The following RNU6-1 variants were observed in gnomAD, a reference collection of about 807,000 sequenced individuals.
RNU6-1 encodes the protein RNA, U6 small nuclear 1, also known as RNA, U6A small nuclear.
At chr15:67,839,950 A>G (rs543732887) in exon 1 of RNU6-1, 23 of 152,326 alleles carry the variant, frequency 1.5e-4, no homozygotes, top group African/African-American at 4.3e-4. Context: ...AAAATATGGA[A>G]CGCTTCACGA....
At chr15:67,840,038 G>A (rs190705622) in exon 1 of RNU6-1, 7 of 152,722 alleles carry the variant, frequency 4.6e-5, no homozygotes, top group South Asian at 4.1e-4. Flanking sequence ...TGCTGCCGAA[G>A]CGAGCACGGT....
chr15:67,839,971 C>T (rs568554044), exon 1 of RNU6-1: 2 of 151,580 alleles, frequency 1.3e-5, no homozygotes, highest in Non-Finnish European at 1.5e-5. Flanking sequence ...ATTTGCGTGT[C>T]ATCCTTGCGC....
exon 1 of RNU6-1, chr15:67,839,975 C>T (rs1264300011): frequency 6.6e-6 from 1 of 152,300 alleles, no homozygotes; most frequent in African/African-American, 2.4e-5. Context: ...GCGTGTCATC[C>T]TTGCGCAGGG....
chr15:67,839,977 T>C (rs1031899262), exon 1 of RNU6-1: 3 of 152,108 alleles, frequency 2.0e-5, no homozygotes, highest in Non-Finnish European at 4.4e-5. Context: ...GTGTCATCCT[T>C]GCGCAGGGGC....
chr15:67,840,015 A>G (rs1183625932), exon 1 of RNU6-1: 9 of 152,492 alleles, frequency 5.9e-5, no homozygotes, highest in Admixed American at 5.2e-4. Flanking sequence ...TATCGTTCCA[A>G]TTTTAGTATA....
At chr15:67,839,963 T>C (rs1373905517) in exon 1 of RNU6-1, 1 of 151,106 alleles carries the variant, frequency 6.6e-6, no homozygotes, top group Admixed American at 6.6e-5. Context: ...CTTCACGAAT[T>C]TGCGTGTCAT....
At chr15:67,839,996 T>TA (rs1328329958) in exon 1 of RNU6-1, 2 of 152,418 alleles carry the variant, frequency 1.3e-5, no homozygotes, top group Non-Finnish European at 2.9e-5. Flanking sequence ...GCCATGCTAA[T>TA]CTTCTCTGTA....
At chr15:67,840,032 G>A (rs934347145) in exon 1 of RNU6-1, 3 of 152,562 alleles carry the variant, frequency 2.0e-5, no homozygotes, top group African/African-American at 4.8e-5. Context: ...TATATGTGCT[G>A]CCGAAGCGAG....
At chr15:67,840,043 C>G (rs1043065422) in exon 1 of RNU6-1, 2 of 152,594 alleles carry the variant, frequency 1.3e-5, no homozygotes, top group Admixed American at 6.5e-5. Context: ...CCGAAGCGAG[C>G]ACGGTGTTTC....
chr15:67,840,008 C>T (rs371239605), exon 1 of RNU6-1: 4 of 152,588 alleles, frequency 2.6e-5, no homozygotes, highest in South Asian at 4.1e-4. Flanking sequence ...TTCTCTGTAT[C>T]GTTCCAATTT....
exon 1 of RNU6-1, chr15:67,839,950 A>T (rs543732887): frequency 2.6e-4 from 39 of 152,326 alleles, no homozygotes; most frequent in African/African-American, 9.1e-4. Flanking sequence ...AAAATATGGA[A>T]CGCTTCACGA....
At chr15:67,839,995 A>C (rs1555409914) in exon 1 of RNU6-1, 2 of 152,420 alleles carry the variant, frequency 1.3e-5, no homozygotes, top group Non-Finnish European at 2.9e-5. Context: ...GGCCATGCTA[A>C]TCTTCTCTGT....
exon 1 of RNU6-1, chr15:67,840,029 G>C (rs373930984): frequency 6.6e-6 from 1 of 152,572 alleles, no homozygotes; most frequent in Non-Finnish European, 1.5e-5. Flanking sequence ...TAGTATATGT[G>C]CTGCCGAAGC....
chr15:67,839,954 T>C (rs1331875887), exon 1 of RNU6-1: 1 of 150,790 alleles, frequency 6.6e-6, no homozygotes, highest in Non-Finnish European at 1.5e-5. Context: ...TATGGAACGC[T>C]TCACGAATTT....
At chr15:67,839,989 A>C (rs117908309) in exon 1 of RNU6-1, 2 of 152,490 alleles carry the variant, frequency 1.3e-5, no homozygotes, top group East Asian at 1.9e-4. Flanking sequence ...CGCAGGGGCC[A>C]TGCTAATCTT....
At chr15:67,839,944 T>TGATGTAAAAAC (rs2091061612) in exon 1 of RNU6-1, 3 of 150,310 alleles carry the variant, frequency 2.0e-5, no homozygotes, top group African/African-American at 7.3e-5. Flanking sequence ...GATGTAAAAA[T>TGATGTAAAAAC]ATGGAACGCT....
chr15:67,840,008 C>CA (rs1170618519), exon 1 of RNU6-1: 6 of 152,470 alleles, frequency 3.9e-5, no homozygotes, highest in African/African-American at 9.6e-5. Context: ...TTCTCTGTAT[C>CA]GTTCCAATTT....
chr15:67,839,995 ATCT>A (rs1555409915), exon 1 of RNU6-1: 2 of 152,420 alleles, frequency 1.3e-5, no homozygotes, highest in Non-Finnish European at 2.9e-5. Flanking sequence ...GGCCATGCTA[ATCT>A]TCTCTGTATC....
At chr15:67,839,984 G>C (rs1264245858) in exon 1 of RNU6-1, 2 of 152,266 alleles carry the variant, frequency 1.3e-5, no homozygotes, top group South Asian at 2.1e-4. Context: ...CCTTGCGCAG[G>C]GGCCATGCTA....
Sources: allele counts gnomAD v4.1 joint callset, GRCh38; gene constraint gnomAD v4.1.1; transcripts MANE v1.5; gene names NCBI Gene and HGNC (gene_info 2026-07-23, HGNC 2026-07-21).